CHSY1: variants seen among roughly 807,000 people sequenced by gnomAD.
The protein encoded by CHSY1 is chondroitin sulfate synthase 1.
A neutral mutation model predicts 59.8 loss-of-function variants in CHSY1; 13 were observed. The ratio of observed to expected loss-of-function variants is 0.22; its 90% CI spans 0.14 to 0.35. The LOEUF (loss-of-function observed/expected upper bound fraction) is 0.35. CHSY1 is among the 10% of genes least tolerant of loss of function. The pLI, the probability that CHSY1 is intolerant of heterozygous loss-of-function variation, is 1.00. For missense variants in CHSY1, 947 were observed against 1,030.6 expected (o/e 0.92, Z 1.11); for synonymous variants, 459 against 401.2 (o/e 1.14, Z -1.72).
intron 2 of CHSY1, among the ~76,000 whole-genome samples, chr15:101,209,455 T>C (rs2038661306): frequency 6.6e-6 from 1 of 152,138 alleles, no homozygotes; most frequent in Non-Finnish European, 1.5e-5. Flanking sequence ...GTAAGAAGAA[T>C]AAAGCGATAT....
At position 101,251,457 on chromosome 15, in the gene CHSY1, G is replaced by T. The variant is rs1032086649; in HGVS notation, c.-1C>A. The T allele has an allele frequency of 1.2e-4, 116 of 941,450 alleles. No homozygotes were observed. In the African/African-American group the frequency reaches 2.3e-3, roughly 18 times the overall value. The allele number at this position is 941,450 out of a possible 1,614,324, so 58.3% of individuals were successfully genotyped here. ...AGGCGCGCCGGCCGCGCGCGGCCATGCCCGCGCCGCTCCGCCCGCCGGGCC... is the reference window on the plus strand; with the variant it reads ...AGGCGCGCCGGCCGCGCGCGGCCATTCCCGCGCCGCTCCGCCCGCCGGGCC... On this transcript the variant is annotated 5_prime_UTR_variant, in exon 1 of 3. Transcript: ENST00000254190.
intron 2 of CHSY1, among the ~76,000 whole-genome samples, chr15:101,180,679 T>C (rs1241125266): frequency 6.6e-6 from 1 of 152,210 alleles, no homozygotes; most frequent in East Asian, 1.9e-4. Context: ...ACCTGGGGCT[T>C]GCTGAGAGAA....
Position 101,178,283 on chromosome 15 carries a change from G to A in CHSY1, c.1514C>T (p.Ser505Phe). 1.9e-6 allele frequency: 3 copies of A among 1,611,868 alleles called. No individual in the cohort carries two copies. The highest frequency in any genetic ancestry group is 2.5e-6 in the Non-Finnish European group (3 of 1,178,082). ...CTTCTTCAGGGAGTTTGAGAGAAAG[G>A]ACAAGGATCCAGATTCCTGATTGAT... ...KRINQESGSL[S>F]FLSNSLKKLV... Residue 505 changes from serine (S) to phenylalanine (F), a missense_variant, in exon 3 of 3, where the codon TCC (serine) becomes TTC (phenylalanine). Physicochemically the swap from Ser to Phe is radical, Grantham distance 155. Transcript: ENST00000254190.
chr15:101,216,147 A>C (rs1048637845), intron 2 of CHSY1, among the ~76,000 whole-genome samples: 2 of 152,254 alleles, frequency 1.3e-5, no homozygotes, highest in African/African-American at 2.4e-5. Flanking sequence ...GCCTGGACTA[A>C]GCCATCAAGA....
chr15:101,229,885 T>G (rs938307026), intron 2 of CHSY1, among the ~76,000 whole-genome samples: 20 of 151,446 alleles, frequency 1.3e-4, no homozygotes, highest in African/African-American at 4.9e-4. Context: ...CCAGCCTGGG[T>G]GACAGAGCGA....
intron 2 of CHSY1, among the ~76,000 whole-genome samples, chr15:101,230,365 C>T (rs2038881776): frequency 6.6e-6 from 1 of 152,190 alleles, no homozygotes; most frequent in Non-Finnish European, 1.5e-5. Flanking sequence ...GAAGGAACTA[C>T]TGGAACACAA....
At chr15:101,198,827 T>G (rs190854338) in intron 2 of CHSY1, among the ~76,000 whole-genome samples, 124 of 152,292 alleles carry the variant, frequency 8.1e-4, no homozygotes, top group African/African-American at 2.9e-3. Flanking sequence ...TGCATTACAG[T>G]GGCTAAGCTG....
chr15:101,190,967 G>A (rs964337706), intron 2 of CHSY1, among the ~76,000 whole-genome samples: 10 of 152,144 alleles, frequency 6.6e-5, no homozygotes, highest in African/African-American at 2.4e-4. Flanking sequence ...GCTCACTGCC[G>A]GGGAGAATGC....
intron 1 of CHSY1, among the ~76,000 whole-genome samples, chr15:101,240,419 A>C (rs915142864): frequency 2.0e-5 from 3 of 152,208 alleles, no homozygotes; most frequent in African/African-American, 7.2e-5. Flanking sequence ...TGCCATCAAC[A>C]CATTTGTTAC....
intron 2 of CHSY1, chr15:101,187,869 C>A (rs548015185): frequency 4.0e-4 from 92 of 227,988 alleles, no homozygotes; most frequent in African/African-American, 2.0e-3. Context: ...TGTTTCAGGG[C>A]TCTGCGTCAT....
chr15:101,199,753 C>G (rs929494668), intron 2 of CHSY1, among the ~76,000 whole-genome samples: 1 of 152,158 alleles, frequency 6.6e-6, no homozygotes, highest in Non-Finnish European at 1.5e-5. Flanking sequence ...ACAGGAAACA[C>G]GACGCACCAG....
rs1304720752 is a variant in CHSY1 at position 101,177,973 on chromosome 15, A to G, written c.1824T>C (p.Phe608=). 3 of 1,614,104 alleles carry G rather than the reference A, an allele frequency of 1.9e-6. No homozygotes were observed. In the African/African-American group the frequency reaches 4.0e-5, roughly 22 times the overall value. The change falls in exon 3 of 3, where the codon TTT becomes TTC. Residue 608 remains phenylalanine, a synonymous_variant. Transcript: ENST00000254190. The part of the protein sequence containing the change: ...DMQILPVSGE[F]SRALALEVGS... ...CTACTTCCAGGGCCAGGGCTCTTGA[A>G]AACTCTCCAGACACAGGCAAAATCT...
intron 1 of CHSY1, among the ~76,000 whole-genome samples, chr15:101,236,838 A>C (rs1039442003): frequency 6.6e-6 from 1 of 151,410 alleles, no homozygotes; most frequent in African/African-American, 2.4e-5. Flanking sequence ...AAAATAAATA[A>C]ATAAAATAAT....
chr15:101,225,911 A>G (rs550948119), intron 2 of CHSY1, among the ~76,000 whole-genome samples: 1 of 152,332 alleles, frequency 6.6e-6, no homozygotes, highest in South Asian at 2.1e-4. Context: ...AAAGAAAACG[A>G]TATGTCGATC....
chr15:101,241,746 A>C (rs1223752565), intron 1 of CHSY1, among the ~76,000 whole-genome samples: 1 of 152,200 alleles, frequency 6.6e-6, no homozygotes, highest in East Asian at 1.9e-4. Flanking sequence ...CTCATGATAA[A>C]ATCATCTTGG....
intron 2 of CHSY1, among the ~76,000 whole-genome samples, chr15:101,207,157 A>AT (rs2038635302): frequency 6.6e-6 from 1 of 151,352 alleles, no homozygotes; most frequent in Non-Finnish European, 1.5e-5. Context: ...CTCTTGACAA[A>AT]TGTTTTTTAT....
rs866314605 is a variant in CHSY1 at position 101,197,606 on chromosome 15, G to A, written c.817-18626C>T. 1.1e-4 allele frequency among the ~76,000 whole-genome samples: 16 copies of A among 152,184 alleles called. No individual in the cohort carries two copies. In the South Asian group the frequency reaches 3.3e-3, roughly 32 times the overall value. Reference sequence around the variant, plus strand: ...CCCCAAATTACGGCATTTATATAATGTTAAATTATAAACAATTTATAATGT... The same window carrying A: ...CCCCAAATTACGGCATTTATATAATATTAAATTATAAACAATTTATAATGT... On this transcript the variant is annotated intron_variant, in intron 2 of 2. Transcript: ENST00000254190.
At chr15:101,189,758 T>C (rs1042519815) in intron 2 of CHSY1, among the ~76,000 whole-genome samples, 1 of 152,272 alleles carries the variant, frequency 6.6e-6, no homozygotes, top group Non-Finnish European at 1.5e-5. Context: ...TGTTAACGTA[T>C]AGCATTTAAT....
In CHSY1 at chr15:101,246,741, G is replaced by A. The variant is rs575825812; in HGVS notation, c.320+4396C>T. On this transcript the variant is annotated intron_variant, in intron 1 of 2. Transcript: ENST00000254190. ...CCCTTTCTAGAATTAGGAAGGAAACGTTACCTTTAAAAATCTCTCCAGGGC... is the reference window on the plus strand; with the variant it reads ...CCCTTTCTAGAATTAGGAAGGAAACATTACCTTTAAAAATCTCTCCAGGGC... 2.6e-5 allele frequency among the ~76,000 whole-genome samples: 4 copies of A among 152,302 alleles called. No individual in the cohort carries two copies. In the South Asian group the frequency reaches 8.3e-4, roughly 32 times the overall value.
Sources: gnomAD v4.1 joint callset for allele counts (sites outside exome capture counted in the v4.1 genomes callset) on GRCh38, gnomAD v4.1.1 for gene constraint, MANE v1.5 for transcripts, NCBI Gene and HGNC (gene_info 2026-07-23, HGNC 2026-07-21) for gene names.